Variants in DHX29 observed in about 807,000 individuals in gnomAD.
The protein encoded by DHX29 is DExH-box helicase 29.
Under a neutral mutation model 167.9 loss-of-function variants are expected in DHX29, and 79 were observed. The observed-to-expected ratio is 0.47, with a 90% CI of 0.39 to 0.57. DHX29 has a LOEUF of 0.57. DHX29 is among the 20% of genes least tolerant of loss of function. DHX29 has a pLI of 0.00. For synonymous variants in DHX29, 530 were observed against 546.0 expected, an observed-to-expected ratio of 0.97 and a Z score of 0.41; for missense variants, 1,347 against 1,593.4, an observed-to-expected ratio of 0.85 and a Z score of 2.63.
At position 55,307,615 on chromosome 5, in the gene DHX29, A is replaced by G; in HGVS notation, c.-42T>C. ...AAGATCCTTCGCGGCCCAGGCCCCG[A>G]CGGTACCACTGCACAGCCGAGAGCT... is the stretch of plus-strand genomic sequence containing the variant. On this transcript the variant is annotated 5_prime_UTR_variant, in exon 1 of 27. Transcript: ENST00000251636. The G allele has an allele frequency of 6.2e-7, 1 of 1,607,584 alleles. No homozygotes were observed. The highest frequency in any genetic ancestry group is 8.5e-7 in the Non-Finnish European group (1 of 1,178,228).
In DHX29 at chr5:55,296,294, G is replaced by A; in HGVS notation, c.431C>T (p.Ala144Val). Residue 144 changes from alanine to valine, a missense_variant, in exon 4 of 27, where the codon GCC (alanine) becomes GTC (valine). Physicochemically the swap from Ala to Val is moderately conservative, Grantham distance 64. This residue lies in a region of DHX29 where 405 missense variants were observed against 416.8 expected (regional missense o/e 0.97). Coordinates refer to ENST00000251636, the MANE Select transcript of DHX29 (RefSeq NM_019030.4). ...TCCATATAAGAGTGTATTGGTCATG[G>A]CATCTTCAATGTCCTTTGTCTTAAA... ...FSFKTKDIED[A>V]MTNTLLYGGD... 2 of 1,613,566 alleles carry A rather than the reference G, an allele frequency of 1.2e-6. No homozygotes were observed. Among genetic ancestry groups the A allele is most frequent in the Non-Finnish European group, 1.7e-6 (2 of 1,179,714 alleles).
At position 55,269,455 on chromosome 5, in the gene DHX29, C is replaced by T. The variant is rs1479215894; in HGVS notation, c.3252G>A (p.Lys1084=). Residue 1084 remains lysine, a synonymous_variant, in exon 21 of 27, where the codon AAG becomes AAA. Transcript: ENST00000251636. ...AALPVNVKIG[K]MLIFGAIFGC... Reference sequence around the variant, plus strand: ...CAAATATGGCACCAAAAATAAGCATCTTGCCAATCTTGACATTCACAGGTA... The same window carrying T: ...CAAATATGGCACCAAAAATAAGCATTTTGCCAATCTTGACATTCACAGGTA... 2 of 1,613,598 alleles carry T rather than the reference C, an allele frequency of 1.2e-6. No individual in the cohort carries two copies. The highest frequency in any genetic ancestry group is 2.7e-5 in the African/African-American group (2 of 75,020).
intron 6 of DHX29, among the ~76,000 whole-genome samples, chr5:55,293,596 T>C (rs190123402): frequency 1.3e-5 from 2 of 152,320 alleles, no homozygotes; most frequent in East Asian, 3.9e-4. Context: ...AGAAGTCCTT[T>C]GTCAGATATA....
Position 55,294,060 on chromosome 5 carries a change from T to G in DHX29, c.737A>C (p.Asn246Thr). Residue 246 changes from asparagine to threonine, a missense_variant, in exon 6 of 27, where the codon AAT becomes ACT. Asn to Thr is a moderately conservative substitution (Grantham distance 65, BLOSUM62 0). Around this residue, in one of 3 missense-constraint regions of DHX29, gnomAD observed 405 missense variants for 416.8 expected, o/e 0.97. Coordinates refer to ENST00000251636, the MANE Select transcript of DHX29 (RefSeq NM_019030.4). ...YAEQQNEEEK[N>T]ENSKSLEEEE... ...CTCTTCTAAACTTTTAGAATTCTCA[T>G]TCTTTTCTTCTTCATTTTGTTGTTC... The G allele has an allele frequency of 1.2e-6, 2 of 1,608,860 alleles. No homozygotes were observed. Among genetic ancestry groups the G allele is most frequent in the Non-Finnish European group, 1.7e-6 (2 of 1,178,186 alleles).
intron 20 of DHX29, among the ~76,000 whole-genome samples, chr5:55,270,010 G>A (rs1447449102): frequency 6.6e-6 from 1 of 151,862 alleles, no homozygotes; most frequent in Non-Finnish European, 1.5e-5. Flanking sequence ...TGATATTTTG[G>A]GCTGGATAAT....
intron 1 of DHX29, among the ~76,000 whole-genome samples, chr5:55,299,399 T>TA (rs1748490828): frequency 1.3e-5 from 2 of 152,340 alleles, no homozygotes; most frequent in South Asian, 4.1e-4. Flanking sequence ...TGGGAGTTCC[T>TA]ATCATCTTTT....
intron 8 of DHX29, 62 bp downstream of exon 8, chr5:55,289,208 A>G: frequency 2.8e-6 from 4 of 1,449,260 alleles, no homozygotes; most frequent in Non-Finnish European, 3.6e-6. Context: ...TTTTACCATT[A>G]TATATTTCTT....
rs541449164 is a variant in DHX29, at chr5:55,276,521, T to C, written c.2287-115A>G. On this transcript the variant is annotated intron_variant, in intron 13 of 26. Coordinates refer to ENST00000251636, the MANE Select transcript of DHX29 (RefSeq NM_019030.4). ...TGTCACCAAATGTTAATTTAGAATA[T>C]TATGAAAAAAAATTTTTAGTATTAT... is the stretch of plus-strand genomic sequence containing the variant. 4.8e-6 allele frequency: 4 copies of C among 839,460 alleles called. No individual in the cohort carries two copies. In the African/African-American group the frequency reaches 5.4e-5, roughly 11 times the overall value. The allele number at this position is 839,460 out of a possible 1,614,324, so 52.0% of individuals were successfully genotyped here.
At chr5:55,275,084 C>T (rs779167105) in intron 14 of DHX29, 74 bp from the exon 15 acceptor site, 27 of 1,517,576 alleles carry the variant, frequency 1.8e-5, no homozygotes, top group Middle Eastern at 2.0e-4. Flanking sequence ...GGAAAAAAGG[C>T]GGTATTTGCA....
intron 1 of DHX29, among the ~76,000 whole-genome samples, chr5:55,305,485 T>G (rs966837671): frequency 6.6e-6 from 1 of 152,214 alleles, no homozygotes; most frequent in Non-Finnish European, 1.5e-5. Flanking sequence ...TGATTTGGAT[T>G]TTATTGCAAA....
chr5:55,295,179 T>C, intron 5 of DHX29, 200 bp downstream of exon 5: 1 of 522,176 alleles, frequency 1.9e-6, no homozygotes, highest in East Asian at 3.1e-5. Context: ...TCATGAGAAA[T>C]AATAGTTGGT....
At chr5:55,270,779 T>C in intron 18 of DHX29, 73 bp from the exon 19 acceptor site, 1 of 1,182,474 alleles carries the variant, frequency 8.5e-7, no homozygotes, top group Non-Finnish European at 1.3e-6. Flanking sequence ...TGGATTTGAC[T>C]CTTACAACTA....
chr5:55,296,127 G>GA, intron 4 of DHX29, 93 bp downstream of exon 4: 3 of 1,315,418 alleles, frequency 2.3e-6, no homozygotes, highest in Non-Finnish European at 3.1e-6. Context: ...TTATGACAGT[G>GA]AAAAAATATG....
At chr5:55,297,194 T>A in intron 3 of DHX29, 91 bp downstream of exon 3, 1 of 646,108 alleles carries the variant, frequency 1.5e-6, no homozygotes, top group Non-Finnish European at 2.7e-6. Context: ...AAAATCTCAA[T>A]GGAAGTTGTA....
In DHX29 at chr5:55,289,349, A is replaced by C; in HGVS notation, c.987T>G (p.Pro329=). The C allele has an allele frequency of 6.2e-7, 1 of 1,601,402 alleles. No individual in the cohort carries two copies. Among genetic ancestry groups the C allele is most frequent in the Non-Finnish European group, 8.5e-7 (1 of 1,175,816 alleles). The change falls in exon 8 of 27, where the codon CCT becomes CCG. Residue 329 remains proline, a synonymous_variant. Transcript: ENST00000251636. Reference sequence around the variant, plus strand: ...CACTTTCTCCTTCTGTGGCTACAGGAGGCTTTTTCCTTTCATTTTGTTGAT... The same window carrying C: ...CACTTTCTCCTTCTGTGGCTACAGGCGGCTTTTTCCTTTCATTTTGTTGAT... The part of the protein sequence containing the change: ...ISHQQNERKK[P]PVATEGESAL...
rs75947168 is a variant in DHX29 at position 55,278,183 on chromosome 5, T to C, written c.2110-901A>G. 4.0e-3 allele frequency among the ~76,000 whole-genome samples: 610 copies of C among 152,350 alleles called. 4 individuals carry two copies. The highest frequency in any genetic ancestry group is 0.014 in the African/African-American group (582 of 41,580). ...TCAGAACTTTAGTATCTGTGGACTG[T>C]ATGAGTCTGTCTTCCAACTTTCTGT... On this transcript the variant is annotated intron_variant, in intron 12 of 26. Transcript: ENST00000251636.
At chr5:55,281,294 T>TTATC (rs1747398790) in intron 12 of DHX29, 78 bp downstream of exon 12, 1 of 1,215,776 alleles carries the variant, frequency 8.2e-7, no homozygotes. Context: ...AAAGAAAATG[T>TTATC]TATCTAGTAT....
intron 1 of DHX29, among the ~76,000 whole-genome samples, chr5:55,305,746 G>A (rs1748828544): frequency 1.3e-5 from 2 of 152,202 alleles, no homozygotes; most frequent in Non-Finnish European, 2.9e-5. Flanking sequence ...GTTAGTTTGG[G>A]GAAAGAAGAG....
intron 12 of DHX29, among the ~76,000 whole-genome samples, chr5:55,280,511 T>C (rs1359080909): frequency 6.6e-6 from 1 of 152,276 alleles, no homozygotes; most frequent in Non-Finnish European, 1.5e-5. Flanking sequence ...ATGATACTGA[T>C]TAAATCTAGG....
Sources: gnomAD v4.1 joint callset for allele counts (sites outside exome capture counted in the v4.1 genomes callset) on GRCh38, gnomAD v4.1.1 for gene constraint, gnomAD v4.1.1 regional missense constraint, MANE v1.5 for transcripts, NCBI Gene and HGNC (gene_info 2026-07-23, HGNC 2026-07-21) for gene names.